DISP1: variants seen among roughly 807,000 people sequenced by gnomAD.
The protein encoded by DISP1 is protein dispatched homolog 1.
Under a neutral mutation model 37.3 loss-of-function variants are expected in DISP1, and 30 were observed. The observed-to-expected ratio is 0.80, with a 90% CI of 0.60 to 1.09. DISP1 has a LOEUF of 1.09. DISP1 is among the 50% of genes least tolerant of loss of function. The pLI is 0.00. For missense variants in DISP1, 1,598 were observed against 1,879.5 expected, an observed-to-expected ratio of 0.85 and a Z score of 2.77; for synonymous variants, 634 against 690.2, an observed-to-expected ratio of 0.92 and a Z score of 1.28.
Position 223,005,684 on chromosome 1 carries a change from A to T in DISP1, c.4287A>T (p.Gly1429=), listed in dbSNP as rs747223809. 1 of 1,614,126 alleles carries T rather than the reference A, an allele frequency of 6.2e-7. No homozygotes were observed. The highest frequency in any genetic ancestry group is 1.1e-5 in the South Asian group (1 of 91,074). The change falls in exon 9 of 9, where the codon GGA becomes GGT. Residue 1429 remains glycine (G), a synonymous_variant. Transcript: ENST00000675850. ...ACGTGAGCAATCTGGAGAGCAGTGGAGGGACTGAAAACAAGGCAGGAGGGA... is the reference window on the plus strand; with the variant it reads ...ACGTGAGCAATCTGGAGAGCAGTGGTGGGACTGAAAACAAGGCAGGAGGGA... ...NRDVSNLESS[G]GTENKAGGKV...
intron 1 of DISP1, among the ~76,000 whole-genome samples, chr1:222,834,092 C>T (rs1666419607): frequency 6.6e-6 from 1 of 152,148 alleles, no homozygotes; most frequent in African/African-American, 2.4e-5. Flanking sequence ...AGAGTACAGA[C>T]TTTGTCTATT....
intron 1 of DISP1, among the ~76,000 whole-genome samples, chr1:222,847,224 C>T (rs191403094): frequency 4.6e-5 from 7 of 152,276 alleles, no homozygotes; most frequent in South Asian, 2.1e-4. Flanking sequence ...TTGACATGTC[C>T]TCATAGTTAT....
chr1:223,000,898 T>A (rs75356135), intron 8 of DISP1, among the ~76,000 whole-genome samples: 15 of 151,836 alleles, frequency 9.9e-5, no homozygotes, highest in Middle Eastern at 6.8e-3. Flanking sequence ...AAAAAAAAAA[T>A]ATTCACTTCC....
At chr1:222,980,403 G>T (rs1360045524) in intron 3 of DISP1, among the ~76,000 whole-genome samples, 1 of 117,364 alleles carries the variant, frequency 8.5e-6, no homozygotes, top group Non-Finnish European at 1.8e-5. Flanking sequence ...ATGGGCTGAT[G>T]TAACAAAGTG....
intron 3 of DISP1, among the ~76,000 whole-genome samples, chr1:222,968,348 A>C (rs1572650801): frequency 6.6e-6 from 1 of 152,294 alleles, no homozygotes; most frequent in South Asian, 2.1e-4. Flanking sequence ...AACCTGGCTA[A>C]CAAAATGGGC....
At chr1:222,876,472 G>T (rs973378367) in intron 1 of DISP1, among the ~76,000 whole-genome samples, 4 of 152,116 alleles carry the variant, frequency 2.6e-5, no homozygotes, top group Non-Finnish European at 5.9e-5. Flanking sequence ...AGACAAAATG[G>T]TTCACTGCAG....
chr1:222,889,779 TTC>T (rs1186378238), intron 1 of DISP1, among the ~76,000 whole-genome samples: 2 of 152,198 alleles, frequency 1.3e-5, no homozygotes, highest in East Asian at 1.9e-4. Flanking sequence ...TCTTGAAAAC[TTC>T]TTTTACACTT....
At chr1:222,860,986 G>T (rs1210989541) in intron 1 of DISP1, among the ~76,000 whole-genome samples, 1 of 152,144 alleles carries the variant, frequency 6.6e-6, no homozygotes, top group Non-Finnish European at 1.5e-5. Context: ...AAAACTAAAT[G>T]AATTGTTTTG....
chr1:222,872,123 C>T (rs1227299264), intron 1 of DISP1: 2 of 152,154 alleles, frequency 1.3e-5, no homozygotes, highest in East Asian at 3.8e-4. Flanking sequence ...GCCTTGCATC[C>T]CAGGGATGAA....
At chr1:222,835,277 C>T (rs905678098) in intron 1 of DISP1, 1 of 152,140 alleles carries the variant, frequency 6.6e-6, no homozygotes, top group Non-Finnish European at 1.5e-5. Context: ...TATTTGTATA[C>T]TTGACAGATA....
intron 1 of DISP1, among the ~76,000 whole-genome samples, chr1:222,891,705 G>A (rs1428009224): frequency 6.7e-6 from 1 of 148,788 alleles, no homozygotes; most frequent in Non-Finnish European, 1.5e-5. Context: ...CTACATGAAG[G>A]TAAAGTAGGA....
At chr1:222,853,415 G>A (rs1302851879) in intron 1 of DISP1, among the ~76,000 whole-genome samples, 2 of 152,208 alleles carry the variant, frequency 1.3e-5, no homozygotes, top group Middle Eastern at 6.8e-3. Context: ...CCAAAGGAAA[G>A]GAAATATCAA....
intron 3 of DISP1, among the ~76,000 whole-genome samples, chr1:222,951,660 T>A (rs945523423): frequency 6.6e-6 from 1 of 152,220 alleles, no homozygotes; most frequent in Non-Finnish European, 1.5e-5. Context: ...CAGCAATGAA[T>A]GGAGAAATTC....
chr1:222,846,251 GGA>G (rs1383269323), intron 1 of DISP1, among the ~76,000 whole-genome samples: 2 of 152,218 alleles, frequency 1.3e-5, no homozygotes, highest in African/African-American at 4.8e-5. Flanking sequence ...CAGCACTTTG[GGA>G]GGCCAAGGCG....
intron 1 of DISP1, among the ~76,000 whole-genome samples, chr1:222,901,309 A>G (rs1313515089): frequency 1.3e-5 from 2 of 152,200 alleles, no homozygotes; most frequent in African/African-American, 2.4e-5. Flanking sequence ...AAGAGAAAGT[A>G]TTAACAGTGA....
chr1:222,888,958 G>T (rs567724923), intron 1 of DISP1, among the ~76,000 whole-genome samples: 2 of 152,100 alleles, frequency 1.3e-5, no homozygotes, highest in African/African-American at 4.8e-5. Flanking sequence ...ACATAGTGAT[G>T]TTTCTATACA....
intron 1 of DISP1, among the ~76,000 whole-genome samples, chr1:222,841,809 C>T (rs1372063177): frequency 3.3e-5 from 5 of 151,986 alleles, no homozygotes; most frequent in Non-Finnish European, 7.4e-5. Context: ...GGCATTATTT[C>T]AAAATGTGAT....
intron 2 of DISP1, 38 bp from the exon 3 acceptor site, chr1:222,942,769 T>G: frequency 6.2e-7 from 1 of 1,612,886 alleles, no homozygotes; most frequent in South Asian, 1.1e-5. Flanking sequence ...TTTGCCTGCC[T>G]GACTGTAACT....
chr1:222,955,895 C>G (rs1485111802), intron 3 of DISP1, among the ~76,000 whole-genome samples: 2 of 152,116 alleles, frequency 1.3e-5, no homozygotes, highest in Admixed American at 6.5e-5. Flanking sequence ...AATTTGATAC[C>G]TTTATTCTAT....
Sources: allele counts gnomAD v4.1 joint callset (sites outside exome capture counted in the v4.1 genomes callset), GRCh38; gene constraint gnomAD v4.1.1; transcripts MANE v1.5; gene names NCBI Gene and HGNC (gene_info 2026-07-23, HGNC 2026-07-21).